The following MTR variants were observed in gnomAD, a reference collection of about 807,000 sequenced individuals.
MTR encodes methionine synthase.
In MTR, 84 loss-of-function variants were observed where a neutral mutation model predicts 154.8. That is an observed-to-expected ratio of 0.54 (90% CI 0.45 to 0.65). The LOEUF (loss-of-function observed/expected upper bound fraction) is 0.65. Ranked by LOEUF, MTR falls within the 30% of genes least tolerant of loss-of-function variation. The pLI, the probability that MTR is intolerant of heterozygous loss-of-function variation, is 0.00. For missense variants in MTR, 1,275 were observed against 1,570.2 expected, an observed-to-expected ratio of 0.81 and a Z score of 3.18; for synonymous variants, 554 against 553.9, an observed-to-expected ratio of 1.00 and a Z score of 0.00.
intron 12 of MTR, among the ~76,000 whole-genome samples, chr1:236,829,813 G>T (rs1662507650): frequency 6.6e-6 from 1 of 152,134 alleles, no homozygotes; most frequent in African/African-American, 2.4e-5. Flanking sequence ...TGAATTTTGT[G>T]TTGAAACAAG....
In MTR at chr1:236,880,821, C is replaced by G. The variant is rs778065177; in HGVS notation, c.2661C>G (p.Ser887=). 6.2e-7 allele frequency: 1 copy of G among 1,614,002 alleles called. No individual in the cohort carries two copies. The highest frequency in any genetic ancestry group is 1.1e-5 in the South Asian group (1 of 91,064). ...CTGTAATCCATGTCCTGGACGCGTC[C>G]AAGAGTGTGGTGGTGGTAAGTGGGT... ...SAPVIHVLDA[S]KSVVVCSQLL... The change falls in exon 25 of 33, where the codon TCC becomes TCG. Residue 887 remains serine, a synonymous_variant. Coordinates refer to ENST00000366577, the MANE Select transcript of MTR (RefSeq NM_000254.3).
chr1:236,880,507 T>C (rs754135958), intron 24 of MTR, among the ~76,000 whole-genome samples: 8 of 152,330 alleles, frequency 5.3e-5, no homozygotes, highest in Admixed American at 2.0e-4. Flanking sequence ...CAGTCCCTTG[T>C]TAACGGAGCT....
intron 32 of MTR, 123 bp downstream of exon 32, chr1:236,897,241 A>G (rs768409936): frequency 6.3e-5 from 52 of 831,198 alleles, no homozygotes; most frequent in Non-Finnish European, 9.8e-5. Flanking sequence ...ACTCCAGTTA[A>G]TGTCTTAATT....
At chr1:236,827,057 A>G (rs895808744) in intron 11 of MTR, among the ~76,000 whole-genome samples, 161 bp downstream of exon 11, 6 of 152,216 alleles carry the variant, frequency 3.9e-5, no homozygotes, top group African/African-American at 1.4e-4. Context: ...TTTGGAGATG[A>G]GGCCTTTAAA....
At chr1:236,801,823 C>G (rs959760767) in intron 1 of MTR, among the ~76,000 whole-genome samples, 1 of 152,130 alleles carries the variant, frequency 6.6e-6, no homozygotes, top group African/African-American at 2.4e-5. Flanking sequence ...GGTGTTTGAG[C>G]AGGGGAAGCA....
At chr1:236,863,924 T>C (rs2297967) in intron 22 of MTR, among the ~76,000 whole-genome samples, 109,400 of 151,878 alleles carry the variant, frequency 0.72, 40,597 homozygotes, top group African/African-American at 0.9. Flanking sequence ...TCAATAAACT[T>C]AGATTTTAGA....
At chr1:236,854,343 G>T (rs1029028236) in intron 18 of MTR, among the ~76,000 whole-genome samples, 3 of 152,154 alleles carry the variant, frequency 2.0e-5, no homozygotes, top group African/African-American at 7.2e-5. Context: ...TGTGGACCCA[G>T]GACAGAATGT....
chr1:236,844,340 G>A (rs1663436154), intron 15 of MTR, among the ~76,000 whole-genome samples: 1 of 152,128 alleles, frequency 6.6e-6, no homozygotes, highest in African/African-American at 2.4e-5. Context: ...GGGTTCAAGA[G>A]AGAATAGGAG....
rs751214704 is a variant in MTR, at chr1:236,795,394, C to A, written c.-310C>A. ...TTTTCTCTTGGGTCCTTTTCCGTGC[C>A]GTCCCGCGACTCCGCCTCTGGCCGC... On this transcript the variant is annotated 5_prime_UTR_variant, in exon 1 of 33. Coordinates refer to ENST00000366577, the MANE Select transcript of MTR (RefSeq NM_000254.3). The A allele has an allele frequency of 7.0e-7, 1 of 1,426,776 alleles. No individual in the cohort carries two copies. Among genetic ancestry groups the A allele is most frequent in the Non-Finnish European group, 9.3e-7 (1 of 1,077,168 alleles). The allele number at this position is 1,426,776 out of a possible 1,614,324, so 88.4% of individuals were successfully genotyped here. A position where few individuals can be genotyped will look rare whatever the true frequency, so the allele number is the denominator to read the frequency against.
chr1:236,803,520 C>A lies in MTR; in HGVS notation c.127C>A (p.Arg43=). 6.2e-7 allele frequency: 1 copy of A among 1,614,050 alleles called. No individual in the cohort carries two copies. The highest frequency in any genetic ancestry group is 8.5e-7 in the Non-Finnish European group (1 of 1,180,014). Residue 43 remains arginine (R), a synonymous_variant, in exon 2 of 33, where the codon CGG becomes AGG. Transcript: ENST00000366577. ...LDGGMGTMIQ[R]EKLNEEHFRG... is the part of the protein sequence containing the mutation. ...TGGAGGGATGGGGACCATGATCCAG[C>A]GGGAGAAGCTAAACGAAGAACACTT... is the stretch of plus-strand genomic sequence containing the variant.
chr1:236,853,146 C>CT, intron 18 of MTR, 58 bp downstream of exon 18: 1 of 1,561,828 alleles, frequency 6.4e-7, no homozygotes, highest in Non-Finnish European at 8.8e-7. Flanking sequence ...GTATTACTCA[C>CT]CTACAGTTAG....
At chr1:236,832,972 G>T (rs1368407792) in intron 13 of MTR, among the ~76,000 whole-genome samples, 1 of 152,184 alleles carries the variant, frequency 6.6e-6, no homozygotes, top group Non-Finnish European at 1.5e-5. Flanking sequence ...GCTGTCCAGT[G>T]CTCCTGTATG....
intron 2 of MTR, among the ~76,000 whole-genome samples, chr1:236,805,646 A>C (rs900476062): frequency 6.6e-6 from 1 of 152,048 alleles, no homozygotes; most frequent in African/African-American, 2.4e-5. Flanking sequence ...GGCATGTGCC[A>C]CCATGCCTGG....
At chr1:236,886,729 C>G (rs751858221) in intron 27 of MTR, among the ~76,000 whole-genome samples, 4 of 152,198 alleles carry the variant, frequency 2.6e-5, no homozygotes, top group Admixed American at 1.3e-4. Context: ...ATGCTCTTTC[C>G]TCTGTGCTGT....
chr1:236,889,370 A>T (rs1216930765), intron 28 of MTR, 34 bp downstream of exon 28: 2 of 1,613,138 alleles, frequency 1.2e-6, no homozygotes. Flanking sequence ...TCTGCCTCTG[A>T]TATTCAAGCT....
chr1:236,827,038 TG>T (rs2103108041), intron 11 of MTR, 142 bp downstream of exon 11: 1 of 783,586 alleles, frequency 1.3e-6, no homozygotes, highest in Admixed American at 2.0e-5. Flanking sequence ...TTTCAGAATG[TG>T]GGCTGTATTT....
intron 2 of MTR, among the ~76,000 whole-genome samples, chr1:236,805,798 G>C (rs148389110): frequency 1.3e-5 from 2 of 152,258 alleles, no homozygotes; most frequent in Non-Finnish European, 2.9e-5. Flanking sequence ...ATGCCTGGCT[G>C]ATGTGTTACC....
intron 29 of MTR, among the ~76,000 whole-genome samples, chr1:236,893,366 C>T (rs1666439796): frequency 6.6e-6 from 1 of 152,112 alleles, no homozygotes; most frequent in Non-Finnish European, 1.5e-5. Context: ...GTGGGTTGGC[C>T]ACTCATTGAT....
At chr1:236,863,039 C>T (rs570965572) in intron 21 of MTR, among the ~76,000 whole-genome samples, 1 of 152,232 alleles carries the variant, frequency 6.6e-6, no homozygotes, top group Non-Finnish European at 1.5e-5. Flanking sequence ...ACTCACGTGC[C>T]CTCTGTCTGG....
Sources: gnomAD v4.1 joint callset for allele counts (sites outside exome capture counted in the v4.1 genomes callset) on GRCh38, gnomAD v4.1.1 for gene constraint, MANE v1.5 for transcripts, NCBI Gene and HGNC (gene_info 2026-07-23, HGNC 2026-07-21) for gene names.